The following SIAH3 variants were observed in gnomAD, a reference collection of about 807,000 sequenced individuals.
SIAH3 encodes seven in absentia homolog 3.
Under a neutral mutation model 12.6 loss-of-function variants are expected in SIAH3, and 9 were observed. The observed-to-expected ratio is 0.72, with a 90% CI of 0.43 to 1.25. The LOEUF is 1.25. Among genes scored for constraint, SIAH3 ranks in the 50% most tolerant of loss-of-function variants. The pLI, the probability that SIAH3 is intolerant of heterozygous loss-of-function variation, is 0.00. For missense variants in SIAH3, 390 were observed against 365.4 expected, an observed-to-expected ratio of 1.07 and a Z score of -0.55; for synonymous variants, 154 against 151.1, an observed-to-expected ratio of 1.02 and a Z score of -0.14.
At chr13:45,838,769 T>C (rs995008268) in intron 1 of SIAH3, among the ~76,000 whole-genome samples, 3 of 152,124 alleles carry the variant, frequency 2.0e-5, no homozygotes, top group African/African-American at 7.2e-5. Flanking sequence ...CTTTGGTGAT[T>C]TTCCCTCCTT....
At chr13:45,789,597 G>T (rs1481614707) in intron 1 of SIAH3, among the ~76,000 whole-genome samples, 1 of 152,078 alleles carries the variant, frequency 6.6e-6, no homozygotes, top group Non-Finnish European at 1.5e-5. Flanking sequence ...AGTAGGGACG[G>T]GGTTTCACCA....
intron 1 of SIAH3, among the ~76,000 whole-genome samples, chr13:45,791,991 T>C (rs1035473342): frequency 6.6e-6 from 1 of 152,178 alleles, no homozygotes; most frequent in Non-Finnish European, 1.5e-5. Flanking sequence ...CTCCTCCAGC[T>C]GTCCCTACCC....
chr13:45,795,199 G>A (rs1172431158), intron 1 of SIAH3, among the ~76,000 whole-genome samples: 2 of 152,104 alleles, frequency 1.3e-5, no homozygotes, highest in East Asian at 3.9e-4. Context: ...AAAACACTAT[G>A]GTATTCCCAG....
At chr13:45,817,402 T>A (rs75639922) in intron 1 of SIAH3, among the ~76,000 whole-genome samples, 16 of 152,372 alleles carry the variant, frequency 1.1e-4, no homozygotes, top group South Asian at 4.1e-4. Context: ...ATTCACAAGA[T>A]GAAATTGCCT....
intron 1 of SIAH3, among the ~76,000 whole-genome samples, chr13:45,844,042 G>A (rs927068173): frequency 2.2e-4 from 33 of 152,280 alleles, no homozygotes; most frequent in African/African-American, 7.5e-4. Context: ...TAGGTTGTGC[G>A]CAGGATATCT....
At position 45,783,851 on chromosome 13, in the gene SIAH3, G is replaced by T. The variant is rs758720653; in HGVS notation, c.342C>A (p.Cys114Ter). ...CCACCTCCAGGCGGCCTTCCCACTG[G>T]CAGGAGAACAAGGGACACATGCACA... ...PCLCMCPLFSCQWEGRLEVVV... is the reference protein window; with the variant it reads ...PCLCMCPLFS Residue 114 changes from cysteine (C) to a stop codon, truncating the protein, a stop_gained, in exon 2 of 2, where the codon TGC becomes TGA. Coordinates refer to ENST00000400405, the MANE Select transcript of SIAH3 (RefSeq NM_198849.3). LOFTEE classifies it high-confidence loss of function. 13 of 1,614,132 alleles carry T rather than the reference G, an allele frequency of 8.1e-6. No homozygotes were observed. The highest frequency in any genetic ancestry group is 1.1e-5 in the Non-Finnish European group (13 of 1,180,016).
At chr13:45,828,103 A>T (rs1401707817) in intron 1 of SIAH3, among the ~76,000 whole-genome samples, 1 of 152,116 alleles carries the variant, frequency 6.6e-6, no homozygotes, top group Admixed American at 6.5e-5. Context: ...CAGTTTTCTC[A>T]CCTGTAAAAT....
chr13:45,794,427 C>G (rs1015216893), intron 1 of SIAH3, among the ~76,000 whole-genome samples: 1 of 152,136 alleles, frequency 6.6e-6, no homozygotes, highest in Non-Finnish European at 1.5e-5. Context: ...TTATCATTAT[C>G]ATCATCATCA....
At position 45,827,662 on chromosome 13, in the gene SIAH3, A is replaced by G. The variant is rs1226345748; in HGVS notation, c.135+23833T>C. On this transcript the variant is annotated intron_variant, in intron 1 of 1. Transcript: ENST00000400405. ...CTCCCAGGACAGACTAATGAGTCCC[A>G]TAGGCTTCAGGAGATACTTCATTCA... is the stretch of plus-strand genomic sequence containing the variant. 1.3e-5 allele frequency among the ~76,000 whole-genome samples: 2 copies of G among 152,174 alleles called. 1 individual carries two copies. The highest frequency in any genetic ancestry group is 4.1e-4 in the South Asian group (2 of 4,822).
intron 1 of SIAH3, among the ~76,000 whole-genome samples, chr13:45,796,342 G>A (rs1340635455): frequency 2.0e-5 from 3 of 152,140 alleles, no homozygotes; most frequent in Non-Finnish European, 4.4e-5. Context: ...ATGGGCGGGG[G>A]GGAGGCGCTC....
chr13:45,848,982 C>T (rs970425490), intron 1 of SIAH3, among the ~76,000 whole-genome samples: 3 of 152,156 alleles, frequency 2.0e-5, no homozygotes, highest in African/African-American at 4.8e-5. Flanking sequence ...TGGAAATCAG[C>T]GTTTAGAAGG....
intron 1 of SIAH3, among the ~76,000 whole-genome samples, chr13:45,829,510 A>G (rs952673789): frequency 1.3e-5 from 2 of 152,064 alleles, no homozygotes; most frequent in African/African-American, 4.8e-5. Flanking sequence ...TTGGGAGGCT[A>G]AAGTTGGAGG....
At chr13:45,796,150 G>C (rs753728538) in intron 1 of SIAH3, among the ~76,000 whole-genome samples, 2 of 152,100 alleles carry the variant, frequency 1.3e-5, no homozygotes, top group Non-Finnish European at 2.9e-5. Flanking sequence ...TGGCTCTATG[G>C]ATATGTGATT....
At chr13:45,841,897 G>T (rs1332522112) in intron 1 of SIAH3, among the ~76,000 whole-genome samples, 2 of 152,156 alleles carry the variant, frequency 1.3e-5, no homozygotes, top group African/African-American at 2.4e-5. Context: ...CCTTGGCAAG[G>T]TCCTGAGAAC....
intron 1 of SIAH3, among the ~76,000 whole-genome samples, chr13:45,835,406 C>T (rs139250141): frequency 1.0e-3 from 152 of 152,296 alleles, no homozygotes; most frequent in African/African-American, 3.5e-3. Context: ...TAAGTGTTCC[C>T]TCCTCACATC....
At chr13:45,785,681 T>C (rs546733810) in intron 1 of SIAH3, among the ~76,000 whole-genome samples, 10 of 152,310 alleles carry the variant, frequency 6.6e-5, no homozygotes, top group Non-Finnish European at 1.0e-4. Context: ...TCAGCTCTCC[T>C]CTCCAGTTGT....
chr13:45,777,827 G>A lies in SIAH3; in HGVS notation c.*5556C>T, dbSNP rs1950489861. ...GAAATGCATCCAAGTAGAAACTTCA[G>A]CAACCCTCACTTCTTCCATCCCTTC... On this transcript the variant is annotated 3_prime_UTR_variant, in exon 2 of 2. Transcript: ENST00000400405. 1 of 152,178 alleles carries A rather than the reference G, an allele frequency of 6.6e-6. No homozygotes were observed. The highest frequency in any genetic ancestry group is 2.4e-5 in the African/African-American group (1 of 41,440). The allele number at this position is 152,178 out of a possible 1,614,324, so 9.4% of individuals were successfully genotyped here. A position where few individuals can be genotyped will look rare whatever the true frequency, so the allele number is the denominator to read the frequency against.
At chr13:45,841,963 TG>T (rs1189246339) in intron 1 of SIAH3, among the ~76,000 whole-genome samples, 1 of 152,202 alleles carries the variant, frequency 6.6e-6, no homozygotes, top group Non-Finnish European at 1.5e-5. Context: ...AGAGAGGCAA[TG>T]TCCTTAACCA....
At chr13:45,808,524 G>C (rs1950605713) in intron 1 of SIAH3, among the ~76,000 whole-genome samples, 1 of 152,080 alleles carries the variant, frequency 6.6e-6, no homozygotes, top group Non-Finnish European at 1.5e-5. Flanking sequence ...GTTAAACAAC[G>C]GCTGAATTGT....
Sources: gnomAD v4.1 joint callset for allele counts (sites outside exome capture counted in the v4.1 genomes callset) on GRCh38, gnomAD v4.1.1 for gene constraint, MANE v1.5 for transcripts, NCBI Gene and HGNC (gene_info 2026-07-23, HGNC 2026-07-21) for gene names.